The following CNTNAP2 variants were observed in gnomAD, a reference collection of about 807,000 sequenced individuals.
The protein encoded by CNTNAP2 is contactin associated protein 2.
A neutral mutation model predicts 155.2 loss-of-function variants in CNTNAP2; 98 were observed. That is an observed-to-expected ratio of 0.63 (90% CI 0.54 to 0.75). CNTNAP2 has a LOEUF of 0.75. Ranked by LOEUF, CNTNAP2 falls within the 30% of genes least tolerant of loss-of-function variation. CNTNAP2 has a pLI of 0.00. For missense variants in CNTNAP2, 1,727 were observed against 1,688.1 expected, an observed-to-expected ratio of 1.02 and a Z score of -0.40; for synonymous variants, 651 against 631.2, an observed-to-expected ratio of 1.03 and a Z score of -0.47.
chr7:148,061,940 G>A lies in CNTNAP2; in HGVS notation c.2384-56178G>A, dbSNP rs1414132956. Reference sequence around the variant, plus strand: ...ACAGATATAGATAGATAGATAGATAGATAGATAAACAGATATAGATAGATA... The same window carrying A: ...ACAGATATAGATAGATAGATAGATAAATAGATAAACAGATATAGATAGATA... On this transcript the variant is annotated intron_variant, in intron 15 of 23. Transcript: ENST00000361727. 2.7e-3 allele frequency among the ~76,000 whole-genome samples: 353 copies of A among 131,846 alleles called. 3 individuals carry two copies. The highest frequency in any genetic ancestry group is 8.5e-3 in the South Asian group (33 of 3,862). The allele number at this position is 131,846 out of a possible 152,430, so 86.5% of individuals were successfully genotyped here.
intron 1 of CNTNAP2, among the ~76,000 whole-genome samples, chr7:146,352,694 TA>T (rs35712482): frequency 1.7e-4 from 21 of 125,208 alleles, no homozygotes; most frequent in East Asian, 6.3e-4. Flanking sequence ...ACAACTGAGG[TA>T]AAAAAAAATG....
intron 18 of CNTNAP2, among the ~76,000 whole-genome samples, chr7:148,183,920 T>G (rs955578593): frequency 2.0e-5 from 3 of 152,244 alleles, no homozygotes; most frequent in South Asian, 2.1e-4. Flanking sequence ...GGCTTTGCCT[T>G]CTTTAATTTC....
chr7:146,229,097 TAAAG>T (rs920259428), intron 1 of CNTNAP2, among the ~76,000 whole-genome samples: 22 of 152,184 alleles, frequency 1.4e-4, no homozygotes, highest in African/African-American at 5.3e-4. Flanking sequence ...TAGGTTTTCT[TAAAG>T]AAAAACAAAA....
At chr7:146,242,122 C>T (rs1799572122) in intron 1 of CNTNAP2, among the ~76,000 whole-genome samples, 1 of 152,134 alleles carries the variant, frequency 6.6e-6, no homozygotes, top group Non-Finnish European at 1.5e-5. Context: ...TGAAATGTTT[C>T]ACTCATTGTT....
intron 1 of CNTNAP2, among the ~76,000 whole-genome samples, chr7:146,318,096 G>T (rs376946444): frequency 1.3e-5 from 2 of 149,472 alleles, no homozygotes; most frequent in African/African-American, 5.0e-5. Flanking sequence ...AGCCAAGATC[G>T]CACCACTGCA....
chr7:146,933,426 CA>C lies in CNTNAP2; in HGVS notation c.402+93527del, dbSNP rs1194226575. 9.9e-5 allele frequency among the ~76,000 whole-genome samples: 15 copies of C among 151,524 alleles called. No individual in the cohort carries two copies. The East Asian group carries it at 2.9e-3, about 29-fold the overall frequency. On this transcript the variant is annotated intron_variant, in intron 3 of 23. Transcript: ENST00000361727. ...CTGGAACCCTTCCTTATACCTTATA[CA>C]AAAATTAATTCAGGATGGATTAAAG...
At chr7:146,932,172 G>A (rs1034546372) in intron 3 of CNTNAP2, among the ~76,000 whole-genome samples, 1 of 152,160 alleles carries the variant, frequency 6.6e-6, no homozygotes, top group Non-Finnish European at 1.5e-5. Context: ...GATGAACACT[G>A]ATGCAAAAAT....
intron 9 of CNTNAP2, among the ~76,000 whole-genome samples, chr7:147,387,013 C>A (rs546993910): frequency 2.5e-4 from 38 of 152,200 alleles, no homozygotes; most frequent in African/African-American, 8.9e-4. Context: ...AGAACTTGTG[C>A]AGGGAAACTC....
intron 3 of CNTNAP2, among the ~76,000 whole-genome samples, chr7:146,950,667 C>A (rs1797291873): frequency 6.6e-6 from 1 of 152,130 alleles, no homozygotes. Context: ...TGTATATGTG[C>A]CACATTTTTT....
intron 1 of CNTNAP2, among the ~76,000 whole-genome samples, chr7:146,119,892 A>G (rs1020199817): frequency 2.6e-5 from 4 of 152,008 alleles, no homozygotes; most frequent in Non-Finnish European, 2.9e-5. Flanking sequence ...GTATAAATAT[A>G]TATGTATTTG....
At chr7:147,848,186 C>G (rs956670186) in intron 13 of CNTNAP2, among the ~76,000 whole-genome samples, 4 of 141,372 alleles carry the variant, frequency 2.8e-5, no homozygotes, top group African/African-American at 1.0e-4. Flanking sequence ...GCGGGCGCCC[C>G]TCCCCCAGCC....
intron 13 of CNTNAP2, among the ~76,000 whole-genome samples, chr7:147,867,470 A>G (rs1201480060): frequency 6.6e-6 from 1 of 151,874 alleles, no homozygotes; most frequent in Non-Finnish European, 1.5e-5. Context: ...TGTTCTCTGT[A>G]TTTCCTGAAT....
At chr7:146,405,348 G>A (rs73164014) in intron 1 of CNTNAP2, among the ~76,000 whole-genome samples, 50,688 of 152,066 alleles carry the variant, frequency 0.33, 8,739 homozygotes, top group Admixed American at 0.45. Flanking sequence ...GTTCCATAAG[G>A]GCTAGAATCT....
intron 11 of CNTNAP2, among the ~76,000 whole-genome samples, chr7:147,530,066 G>A (rs1336998250): frequency 6.6e-6 from 1 of 152,090 alleles, no homozygotes; most frequent in Non-Finnish European, 1.5e-5. Context: ...ATCTGTATTA[G>A]TCTGTTTTCA....
chr7:146,427,085 C>A (rs761565966), intron 1 of CNTNAP2, among the ~76,000 whole-genome samples: 1 of 152,076 alleles, frequency 6.6e-6, no homozygotes, highest in Non-Finnish European at 1.5e-5. Flanking sequence ...TATTAAATAT[C>A]TGAAAAGATA....
intron 8 of CNTNAP2, among the ~76,000 whole-genome samples, chr7:147,252,763 A>G (rs1381204784): frequency 6.6e-6 from 1 of 152,180 alleles, no homozygotes; most frequent in South Asian, 2.1e-4. Context: ...TTCTGCTGTT[A>G]TGTATGCTTT....
intron 9 of CNTNAP2, among the ~76,000 whole-genome samples, chr7:147,365,383 GAAAAAAAAAAAA>G (rs10557373): frequency 2.1e-5 from 2 of 93,638 alleles, no homozygotes; most frequent in Non-Finnish European, 3.9e-5. Flanking sequence ...ATCTCAAAAA[GAAAAAAAAAAAA>G]AAAAAAAAAA....
rs182932365 is a variant in CNTNAP2, at chr7:146,494,853, T to C, written c.98-279418T>C. 3.3e-5 allele frequency among the ~76,000 whole-genome samples: 5 copies of C among 152,356 alleles called. No homozygotes were observed. In the East Asian group the frequency reaches 9.6e-4, roughly 29 times the overall value. Reference sequence around the variant, plus strand: ...TATTTTCCCTTCACAAATAATTCGATGAGCTAGCTTATGAAGGCAATGCAT... The same window carrying C: ...TATTTTCCCTTCACAAATAATTCGACGAGCTAGCTTATGAAGGCAATGCAT... On this transcript the variant is annotated intron_variant, in intron 1 of 23. Coordinates refer to ENST00000361727, the MANE Select transcript of CNTNAP2 (RefSeq NM_014141.6).
intron 18 of CNTNAP2, among the ~76,000 whole-genome samples, chr7:148,206,262 A>T (rs957631105): frequency 6.8e-6 from 1 of 147,650 alleles, no homozygotes; most frequent in Non-Finnish European, 1.5e-5. Context: ...TTTTAATTAT[A>T]TATAATATAA....
Sources: gnomAD v4.1 joint callset for allele counts (sites outside exome capture counted in the v4.1 genomes callset) on GRCh38, gnomAD v4.1.1 for gene constraint, MANE v1.5 for transcripts, NCBI Gene and HGNC (gene_info 2026-07-23, HGNC 2026-07-21) for gene names.